The following TNFSF13B variants were observed in gnomAD, a reference collection of about 807,000 sequenced individuals.
The protein encoded by TNFSF13B is TNF superfamily member 13b, also known as tumor necrosis factor ligand superfamily member 13B.
TNFSF13B carries 8 observed loss-of-function variants against 29.1 expected under a neutral mutation model. The observed-to-expected ratio is 0.27, with a 90% CI of 0.16 to 0.50. TNFSF13B has a LOEUF of 0.50. Among genes scored for constraint, TNFSF13B ranks in the 20% least tolerant of loss-of-function variants. The pLI is 0.98. For synonymous variants in TNFSF13B, 125 were observed against 130.8 expected (o/e 0.96, Z 0.30); for missense variants, 248 against 334.9 (o/e 0.74, Z 2.03).
At chr13:108,285,574 G>A (rs1028287948) in intron 2 of TNFSF13B, among the ~76,000 whole-genome samples, 1 of 152,148 alleles carries the variant, frequency 6.6e-6, no homozygotes, top group African/African-American at 2.4e-5. Context: ...CATAGAAAAG[G>A]TATAGTAAAA....
intron 3 of TNFSF13B, among the ~76,000 whole-genome samples, chr13:108,295,017 G>A (rs1368028159): frequency 1.4e-5 from 2 of 144,936 alleles, no homozygotes; most frequent in African/African-American, 2.6e-5. Flanking sequence ...TAATAAAAAG[G>A]TATAGACATT....
intron 3 of TNFSF13B, among the ~76,000 whole-genome samples, 183 bp from the exon 4 acceptor site, chr13:108,303,070 G>T (rs1881670904): frequency 1.3e-5 from 2 of 152,076 alleles, no homozygotes; most frequent in Non-Finnish European, 2.9e-5. Context: ...ACATATAAGT[G>T]ATGGCAAAGA....
chr13:108,274,731 C>G (rs186101943), intron 2 of TNFSF13B, among the ~76,000 whole-genome samples: 108 of 152,126 alleles, frequency 7.1e-4, no homozygotes, highest in Middle Eastern at 3.4e-3. Flanking sequence ...CATTCAAGTT[C>G]TGATTTATTT....
In TNFSF13B at chr13:108,269,740, A is replaced by C; in HGVS notation, c.-156A>C. ...AGTAGGGGTAGAGATGCAGAAAGGCAGAAAGGAGAAAATTCAGGATAACTC... is the reference window on the plus strand; with the variant it reads ...AGTAGGGGTAGAGATGCAGAAAGGCCGAAAGGAGAAAATTCAGGATAACTC... On this transcript the variant is annotated 5_prime_UTR_variant, in exon 1 of 6. Coordinates refer to ENST00000375887, the MANE Select transcript of TNFSF13B (RefSeq NM_006573.5). 1 of 688,228 alleles carries C rather than the reference A, an allele frequency of 1.5e-6. No homozygotes were observed. The allele number at this position is 688,228 out of a possible 1,614,324, so 42.6% of individuals were successfully genotyped here.
intron 3 of TNFSF13B, among the ~76,000 whole-genome samples, chr13:108,287,926 T>C (rs1316572526): frequency 6.6e-6 from 1 of 152,180 alleles, no homozygotes; most frequent in Non-Finnish European, 1.5e-5. Context: ...AGAATGTTAA[T>C]CCAGAGAAAT....
intron 5 of TNFSF13B, among the ~76,000 whole-genome samples, chr13:108,305,189 T>G (rs1302618146): frequency 2.0e-5 from 3 of 152,110 alleles, no homozygotes; most frequent in Non-Finnish European, 4.4e-5. Context: ...AGGTTTGCAA[T>G]TTTAATCTGT....
In TNFSF13B at chr13:108,295,539, A is replaced by G. The variant is rs151232875; in HGVS notation, c.482-7714A>G. ...TACCTTCTTTATTATTACCTTCTTT[A>G]TTATATTATCTGATCTTTATTATTT... On this transcript the variant is annotated intron_variant, in intron 3 of 5. Transcript: ENST00000375887. 9.7e-5 allele frequency among the ~76,000 whole-genome samples: 14 copies of G among 143,830 alleles called. No individual in the cohort carries two copies. In the East Asian group the frequency reaches 2.5e-3, roughly 26 times the overall value. 94.4% of individuals were successfully genotyped at this position (143,830 alleles called of 152,430 possible). A position where few individuals can be genotyped will look rare whatever the true frequency, so the allele number is the denominator to read the frequency against.
At chr13:108,294,519 G>A (rs1266479059) in intron 3 of TNFSF13B, among the ~76,000 whole-genome samples, 2 of 152,040 alleles carry the variant, frequency 1.3e-5, no homozygotes, top group African/African-American at 4.8e-5. Flanking sequence ...TCTGCAAATA[G>A]AGATCGTTTT....
At chr13:108,293,009 T>C (rs141511671) in intron 3 of TNFSF13B, among the ~76,000 whole-genome samples, 4 of 152,308 alleles carry the variant, frequency 2.6e-5, no homozygotes, top group Non-Finnish European at 5.9e-5. Flanking sequence ...AAATTCAACA[T>C]CATGATTCAC....
At position 108,296,348 on chromosome 13, in the gene TNFSF13B, C is replaced by G. The variant is rs192375643; in HGVS notation, c.482-6905C>G. Among the ~76,000 whole-genome samples the G allele has an allele frequency of 3.4e-5, 5 of 145,976 alleles. 1 individual carries two copies. Among genetic ancestry groups the G allele is most frequent in the Admixed American group, 1.4e-4 (2 of 14,782 alleles). On this transcript the variant is annotated intron_variant, in intron 3 of 5. Transcript: ENST00000375887. ...TCAATATTTAATACTCTCTTTGTTTCATAAAAATTTTTGGCTTAACATGTA... is the reference window on the plus strand; with the variant it reads ...TCAATATTTAATACTCTCTTTGTTTGATAAAAATTTTTGGCTTAACATGTA...
chr13:108,300,737 G>A (rs1381489616), intron 3 of TNFSF13B, among the ~76,000 whole-genome samples: 1 of 152,130 alleles, frequency 6.6e-6, no homozygotes, highest in Non-Finnish European at 1.5e-5. Flanking sequence ...CCTTCTTTGG[G>A]AAAAGCCAAT....
At position 108,303,358 on chromosome 13, in the gene TNFSF13B, A is replaced by G; in HGVS notation, c.587A>G (p.Tyr196Cys). The change falls in exon 4 of 6, where the codon TAT (tyrosine) becomes TGT (cysteine). Residue 196 changes from tyrosine (Y) to cysteine (C), a missense_variant. Physicochemically the swap from Tyr to Cys is radical, Grantham distance 194 (BLOSUM62 -2). This residue lies in a region of TNFSF13B where 62 missense variants were observed against 138.6 expected (regional missense o/e 0.45). Coordinates refer to ENST00000375887, the MANE Select transcript of TNFSF13B (RefSeq NM_006573.5). ...LVKETGYFFIYGQVLYTDKTY... is the reference protein window; with the variant it reads ...LVKETGYFFICGQVLYTDKTY... ...AAAGAAACTGGTTACTTTTTTATAT[A>G]TGGTCAGGTAGGTTGAAACCCTAAT... 6.2e-7 allele frequency: 1 copy of G among 1,612,182 alleles called. No homozygotes were observed. The highest frequency in any genetic ancestry group is 8.5e-7 in the Non-Finnish European group (1 of 1,178,818).
chr13:108,292,803 C>G (rs1248184445), intron 3 of TNFSF13B, among the ~76,000 whole-genome samples: 2 of 151,992 alleles, frequency 1.3e-5, no homozygotes, highest in African/African-American at 4.8e-5. Flanking sequence ...GTAAAACTTC[C>G]TTATATATTA....
intron 3 of TNFSF13B, among the ~76,000 whole-genome samples, chr13:108,293,617 G>A (rs533629838): frequency 6.6e-6 from 1 of 152,180 alleles, no homozygotes; most frequent in South Asian, 2.1e-4. Context: ...CTTTTGTAGT[G>A]TTCAGTGTTA....
At chr13:108,301,679 C>T (rs531509284) in intron 3 of TNFSF13B, among the ~76,000 whole-genome samples, 9 of 152,078 alleles carry the variant, frequency 5.9e-5, no homozygotes, top group East Asian at 1.9e-4. Context: ...TCAAAGATTA[C>T]GAAATTTCAG....
intron 3 of TNFSF13B, among the ~76,000 whole-genome samples, chr13:108,300,396 G>C (rs941678617): frequency 6.6e-6 from 1 of 152,030 alleles, no homozygotes; most frequent in Non-Finnish European, 1.5e-5. Flanking sequence ...TATCTCTCAA[G>C]TATATTATTT....
intron 2 of TNFSF13B, among the ~76,000 whole-genome samples, chr13:108,285,653 T>C (rs1002186340): frequency 6.6e-6 from 1 of 152,232 alleles, no homozygotes; most frequent in African/African-American, 2.4e-5. Context: ...CTAAATATTA[T>C]GCAGTGCATG....
chr13:108,294,477 G>A (rs1164002214), intron 3 of TNFSF13B, among the ~76,000 whole-genome samples: 2 of 152,054 alleles, frequency 1.3e-5, no homozygotes, highest in Non-Finnish European at 2.9e-5. Context: ...ACCATGCCTG[G>A]CTGGAAATTT....
At chr13:108,296,909 C>G (rs1222166139) in intron 3 of TNFSF13B, among the ~76,000 whole-genome samples, 2 of 144,926 alleles carry the variant, frequency 1.4e-5, no homozygotes, top group Admixed American at 1.4e-4. Context: ...ACATTGTAAG[C>G]CCTTAACATA....
Sources: gnomAD v4.1 joint callset for allele counts (sites outside exome capture counted in the v4.1 genomes callset) on GRCh38, gnomAD v4.1.1 for gene constraint, gnomAD v4.1.1 regional missense constraint, MANE v1.5 for transcripts, NCBI Gene and HGNC (gene_info 2026-07-23, HGNC 2026-07-21) for gene names.